The following PDZD2 variants were observed in gnomAD, a reference collection of about 807,000 sequenced individuals.
PDZD2 encodes the protein PDZ domain-containing protein 2.
A neutral mutation model predicts 220.7 loss-of-function variants in PDZD2; 90 were observed. That is an observed-to-expected ratio of 0.41 (90% CI 0.34 to 0.49). PDZD2 has a LOEUF of 0.49. Ranked by LOEUF, PDZD2 falls within the 20% of genes least tolerant of loss-of-function variation. The pLI is 0.28. For synonymous variants in PDZD2, 1,375 were observed against 1,450.5 expected, an observed-to-expected ratio of 0.95 and a Z score of 1.18; for missense variants, 3,174 against 3,608.5, an observed-to-expected ratio of 0.88 and a Z score of 3.08.
At chr5:31,679,577 G>A (rs1746573012) in intron 1 of PDZD2, among the ~76,000 whole-genome samples, 1 of 152,160 alleles carries the variant, frequency 6.6e-6, no homozygotes, top group Admixed American at 6.5e-5. Context: ...GTGCCATCTT[G>A]GCTTACTGCA....
chr5:31,975,227 G>C (rs772649096), intron 2 of PDZD2, among the ~76,000 whole-genome samples: 25 of 152,294 alleles, frequency 1.6e-4, no homozygotes, highest in Admixed American at 1.2e-3. Flanking sequence ...AGTTCCATGT[G>C]GCTGAGGAGG....
Position 31,869,235 on chromosome 5 carries a change from G to A in PDZD2, c.476+69511G>A, listed in dbSNP as rs571095417. Among the ~76,000 whole-genome samples the A allele has an allele frequency of 2.2e-4, 34 of 152,242 alleles. 2 individuals carry two copies. Among genetic ancestry groups the A allele is most frequent in the Non-Finnish European group, 8.8e-5 (6 of 68,024 alleles). On this transcript the variant is annotated intron_variant, in intron 2 of 24. Coordinates refer to ENST00000438447, the MANE Select transcript of PDZD2 (RefSeq NM_178140.4). Reference sequence around the variant, plus strand: ...AGAGGCTGGACTTGGTCAGCTGTGCGGGAGGAACCTGTGCTGTCTGTAGGT... The same window carrying A: ...AGAGGCTGGACTTGGTCAGCTGTGCAGGAGGAACCTGTGCTGTCTGTAGGT...
At chr5:31,972,517 T>C (rs1394643993) in intron 2 of PDZD2, among the ~76,000 whole-genome samples, 2 of 152,138 alleles carry the variant, frequency 1.3e-5, no homozygotes, top group Non-Finnish European at 2.9e-5. Context: ...CCCCACTAGA[T>C]TGTAAGCTCC....
At chr5:32,011,744 G>C (rs1753338697) in intron 6 of PDZD2, among the ~76,000 whole-genome samples, 1 of 152,004 alleles carries the variant, frequency 6.6e-6, no homozygotes. Flanking sequence ...GATGAAAGAT[G>C]CATCTCATTT....
intron 6 of PDZD2, among the ~76,000 whole-genome samples, chr5:32,028,598 T>TA (rs918511867): frequency 6.6e-6 from 1 of 151,604 alleles, no homozygotes; most frequent in Non-Finnish European, 1.5e-5. Context: ...TTTTTGTGTT[T>TA]AAAAAAAACC....
chr5:31,775,664 CGTGTGTGTGTGTGT>C (rs370394146), intron 1 of PDZD2, among the ~76,000 whole-genome samples: 4,465 of 135,456 alleles, frequency 0.033, 115 homozygotes, highest in Middle Eastern at 0.078. Flanking sequence ...ACTCACAGAG[CGTGTGTGTGTGTGT>C]GTGTGTGTGT....
At chr5:31,728,810 A>T (rs1749332005) in intron 1 of PDZD2, among the ~76,000 whole-genome samples, 1 of 152,136 alleles carries the variant, frequency 6.6e-6, no homozygotes, top group Non-Finnish European at 1.5e-5. Flanking sequence ...TCCATGTGGT[A>T]TTTTTATTAT....
intron 1 of PDZD2, among the ~76,000 whole-genome samples, chr5:31,648,875 G>GT (rs1481822396): frequency 6.6e-6 from 1 of 151,722 alleles, no homozygotes; most frequent in East Asian, 1.9e-4. Context: ...TACCTTAGGG[G>GT]TTCACTCTTA....
chr5:32,082,659 CAT>C (rs1353440249), intron 19 of PDZD2, among the ~76,000 whole-genome samples: 6 of 152,190 alleles, frequency 3.9e-5, no homozygotes, highest in Admixed American at 6.5e-5. Flanking sequence ...CTAAGAGAAA[CAT>C]ATATGTGTGT....
chr5:31,707,490 T>C (rs1747887122), intron 1 of PDZD2, among the ~76,000 whole-genome samples: 1 of 152,102 alleles, frequency 6.6e-6, no homozygotes, highest in African/African-American at 2.4e-5. Context: ...ACCTTTATCT[T>C]GGACTTTAAG....
chr5:31,792,389 G>A (rs1753777797), intron 1 of PDZD2, among the ~76,000 whole-genome samples: 1 of 152,140 alleles, frequency 6.6e-6, no homozygotes, highest in Admixed American at 6.6e-5. Flanking sequence ...GGGTATGTTA[G>A]TTCGCCACTT....
intron 1 of PDZD2, among the ~76,000 whole-genome samples, chr5:31,654,715 C>G (rs1280269549): frequency 6.6e-6 from 1 of 152,274 alleles, no homozygotes; most frequent in South Asian, 2.1e-4. Flanking sequence ...GGAAGCTACA[C>G]TCATCTCTCA....
chr5:31,958,274 G>A (rs1375756397), intron 2 of PDZD2, among the ~76,000 whole-genome samples: 4 of 149,378 alleles, frequency 2.7e-5, no homozygotes, highest in Admixed American at 1.3e-4. Flanking sequence ...TTTTTTTTGA[G>A]ACGGAGTCTC....
intron 6 of PDZD2, among the ~76,000 whole-genome samples, chr5:32,036,053 C>A (rs1755519252): frequency 6.8e-6 from 1 of 147,582 alleles, no homozygotes; most frequent in African/African-American, 2.7e-5. Context: ...AATCAGTTCT[C>A]CTGCCTCAGC....
chr5:31,862,563 CTTTTT>C (rs34086606), intron 2 of PDZD2, among the ~76,000 whole-genome samples: 1 of 128,198 alleles, frequency 7.8e-6, no homozygotes, highest in Admixed American at 8.0e-5. Context: ...CTTTTCTTTT[CTTTTT>C]TTTTTTTTTT....
chr5:32,003,697 G>GTTTTTGTTTTTGT (rs1200018954), intron 5 of PDZD2, among the ~76,000 whole-genome samples: 4 of 151,938 alleles, frequency 2.6e-5, no homozygotes, highest in African/African-American at 9.7e-5. Flanking sequence ...TAGTTTTTTT[G>GTTTTTGTTTTTGT]TTTTTGTTTT....
chr5:31,712,478 CTCT>C (rs1326463328), intron 1 of PDZD2, among the ~76,000 whole-genome samples: 11 of 61,608 alleles, frequency 1.8e-4, no homozygotes, highest in African/African-American at 4.7e-4. Context: ...CTCTCTCTCT[CTCT>C]CCCCCTCTCT....
At chr5:31,772,338 T>C (rs1303187859) in intron 1 of PDZD2, among the ~76,000 whole-genome samples, 2 of 152,188 alleles carry the variant, frequency 1.3e-5, no homozygotes, top group Non-Finnish European at 2.9e-5. Flanking sequence ...CTCTTTAAAA[T>C]AGCCAATAGG....
chr5:32,092,309 A>C (rs1743233555), intron 20 of PDZD2, among the ~76,000 whole-genome samples: 1 of 144,314 alleles, frequency 6.9e-6, no homozygotes, highest in African/African-American at 2.6e-5. Flanking sequence ...CCAGTGGCTC[A>C]GGCCTATAGT....
Sources: gnomAD v4.1 joint callset for allele counts (sites outside exome capture counted in the v4.1 genomes callset) on GRCh38, gnomAD v4.1.1 for gene constraint, MANE v1.5 for transcripts, NCBI Gene and HGNC (gene_info 2026-07-23, HGNC 2026-07-21) for gene names.